DGAT1: variants seen among roughly 807,000 people sequenced by gnomAD.
The protein encoded by DGAT1 is ACAT related gene product 1.
In DGAT1, 60 loss-of-function variants were observed where a neutral mutation model predicts 72.6. The observed-to-expected ratio is 0.83, with a 90% CI of 0.67 to 1.02. The LOEUF is 1.02. DGAT1 is among the 50% of genes least tolerant of loss of function. The pLI is 0.00. For synonymous variants in DGAT1, 290 were observed against 267.5 expected (o/e 1.08, Z -0.82); for missense variants, 592 against 670.0 (o/e 0.88, Z 1.29).
intron 1 of DGAT1, among the ~76,000 whole-genome samples, chr8:144,321,639 AG>A (rs1817462479): frequency 6.6e-6 from 1 of 152,246 alleles, no homozygotes; most frequent in African/African-American, 2.4e-5. Flanking sequence ...CGAGCATGTC[AG>A]GGTCAGAAGC....
chr8:144,325,896 C>T (rs1314627786), intron 1 of DGAT1, among the ~76,000 whole-genome samples: 1 of 152,198 alleles, frequency 6.6e-6, no homozygotes. Flanking sequence ...TCAGAAGGGT[C>T]TGCAAGGACA....
intron 2 of DGAT1, among the ~76,000 whole-genome samples, chr8:144,320,042 G>T (rs533001057): frequency 6.6e-6 from 1 of 152,206 alleles, no homozygotes; most frequent in African/African-American, 2.4e-5. Flanking sequence ...CAGGCCTTCT[G>T]CATGGACACG....
In DGAT1 at chr8:144,324,621, C is replaced by G. The variant is rs914213219; in HGVS notation, c.200+1816G>C. Among the ~76,000 whole-genome samples, 26 of 152,124 alleles carry G rather than the reference C, an allele frequency of 1.7e-4. 1 individual carries two copies. The highest frequency in any genetic ancestry group is 6.0e-4 in the African/African-American group (25 of 41,490). Reference sequence around the variant, plus strand: ...CGGCAGGGACAGGGACTCACCAGGCCTCTCCCACGAGCTCTGCACCCATCC... The same window carrying G: ...CGGCAGGGACAGGGACTCACCAGGCGTCTCCCACGAGCTCTGCACCCATCC... On this transcript the variant is annotated intron_variant, in intron 1 of 16. Transcript: ENST00000528718.
In DGAT1 at chr8:144,314,785, G is replaced by T; in HGVS notation, c.*1769C>A. 3 of 454,060 alleles carry T rather than the reference G, an allele frequency of 6.6e-6. No homozygotes were observed. The highest frequency in any genetic ancestry group is 8.8e-6 in the Non-Finnish European group (3 of 339,240). The allele number at this position is 454,060 out of a possible 1,614,324, so 28.1% of individuals were successfully genotyped here. ...GTGGGTGGTGCTGCAATGAGGAGGG[G>T]CCCAGGGCACAGAAGGGCCGGGCTG... On this transcript the variant is annotated 3_prime_UTR_variant, in exon 17 of 17. Transcript: ENST00000528718.
At chr8:144,319,116 G>A (rs1817368467) in intron 2 of DGAT1, 48 bp from the exon 3 acceptor site, 4 of 1,548,054 alleles carry the variant, frequency 2.6e-6, no homozygotes, top group Non-Finnish European at 3.5e-6. Context: ...CCTGGCCACA[G>A]GGTACTCACC....
chr8:144,323,715 A>C (rs1358597165), intron 1 of DGAT1, among the ~76,000 whole-genome samples: 4 of 152,136 alleles, frequency 2.6e-5, no homozygotes, highest in Non-Finnish European at 5.9e-5. Flanking sequence ...AGCCAGCAGG[A>C]TCCTCTCAGT....
rs1554847793 is a variant in DGAT1, at chr8:144,319,010, C to T, written c.329+18G>A. ...GGCCATGGGTGGGGCAGGGGTGGGA[C>T]CTGGCAAAGGCACTCACTTGATGAG... On this transcript the variant is annotated intron_variant, in intron 3 of 16. Coordinates refer to ENST00000528718, the MANE Select transcript of DGAT1 (RefSeq NM_012079.6). The T allele has an allele frequency of 4.5e-6, 7 of 1,558,616 alleles. No homozygotes were observed. The highest frequency in any genetic ancestry group is 1.2e-5 in the South Asian group (1 of 84,606).
At chr8:144,319,343 C>T (rs1282273312) in intron 2 of DGAT1, among the ~76,000 whole-genome samples, 3 of 152,208 alleles carry the variant, frequency 2.0e-5, no homozygotes, top group Non-Finnish European at 1.5e-5. Flanking sequence ...CCAACCAACC[C>T]TGCCAGACGC....
rs1817103095 is a variant in DGAT1 at position 144,314,603 on chromosome 8, T to C, written c.*1951A>G. 3.8e-6 allele frequency: 2 copies of C among 524,016 alleles called. No individual in the cohort carries two copies. The highest frequency in any genetic ancestry group is 6.9e-6 in the Non-Finnish European group (2 of 290,528). The allele number at this position is 524,016 out of a possible 1,614,324, so 32.5% of individuals were successfully genotyped here. A position where few individuals can be genotyped will look rare whatever the true frequency, so the allele number is the denominator to read the frequency against. ...TGCAGGTTGTTCATAGTCAGAATTG[T>C]ATTTTGGATTTTTACACAACTGTCC... On this transcript the variant is annotated 3_prime_UTR_variant, in exon 17 of 17. Transcript: ENST00000528718.
In DGAT1 at chr8:144,315,556, A is replaced by C. The variant is rs1554846801; in HGVS notation, c.*998T>G. 1 of 985,466 alleles carries C rather than the reference A, an allele frequency of 1.0e-6. No homozygotes were observed. The highest frequency in any genetic ancestry group is 1.7e-5 in the African/African-American group (1 of 57,256). 61.0% of individuals were successfully genotyped at this position (985,466 alleles called of 1,614,324 possible). A position where few individuals can be genotyped will look rare whatever the true frequency, so the allele number is the denominator to read the frequency against. ...AGTCACCCCAGCAAGGTAAGGCAGCAGCAGGGCCCTGGGGTTACCCCTGAC... is the reference window on the plus strand; with the variant it reads ...AGTCACCCCAGCAAGGTAAGGCAGCCGCAGGGCCCTGGGGTTACCCCTGAC... On this transcript the variant is annotated 3_prime_UTR_variant, in exon 17 of 17. Transcript: ENST00000528718.
At position 144,326,702 on chromosome 8, in the gene DGAT1, C is replaced by T; in HGVS notation, c.-66G>A. ...CCGGGTTCGTAGCGCCCGAGGCGCGCGGCCCCACCTCCGGGCCCTAGACAA... is the reference window on the plus strand; with the variant it reads ...CCGGGTTCGTAGCGCCCGAGGCGCGTGGCCCCACCTCCGGGCCCTAGACAA... On this transcript the variant is annotated 5_prime_UTR_variant, in exon 1 of 17. Coordinates refer to ENST00000528718, the MANE Select transcript of DGAT1 (RefSeq NM_012079.6). 7 of 1,119,116 alleles carry T rather than the reference C, an allele frequency of 6.3e-6. No homozygotes were observed. Among genetic ancestry groups the T allele is most frequent in the Non-Finnish European group, 7.7e-6 (7 of 913,822 alleles). 69.3% of individuals were successfully genotyped at this position (1,119,116 alleles called of 1,614,324 possible). A position where few individuals can be genotyped will look rare whatever the true frequency, so the allele number is the denominator to read the frequency against.
chr8:144,321,520 C>T lies in DGAT1; in HGVS notation c.201-112G>A, dbSNP rs1019008159. 7.9e-5 allele frequency: 75 copies of T among 949,588 alleles called. No individual in the cohort carries two copies. The African/African-American group carries it at 1.0e-3, about 13-fold the overall frequency. 58.8% of individuals were successfully genotyped at this position (949,588 alleles called of 1,614,324 possible). A position where few individuals can be genotyped will look rare whatever the true frequency, so the allele number is the denominator to read the frequency against. On this transcript the variant is annotated intron_variant, in intron 1 of 16. Coordinates refer to ENST00000528718, the MANE Select transcript of DGAT1 (RefSeq NM_012079.6). ...CCTCGTCTGCCCTCAGGCCCCACTC[C>T]TTATTTACAACCAGGAGGAGAAGCC...
chr8:144,326,769 C>T lies in DGAT1; in HGVS notation c.-133G>A. 1.3e-6 allele frequency: 1 copy of T among 750,128 alleles called. No homozygotes were observed. 46.5% of individuals were successfully genotyped at this position (750,128 alleles called of 1,614,324 possible). ...CTGCCGGCCGCCGTAGCCCGGGTGACCGCCTCACCAGCGCGTTCAACCCGC... is the reference window on the plus strand; with the variant it reads ...CTGCCGGCCGCCGTAGCCCGGGTGATCGCCTCACCAGCGCGTTCAACCCGC... On this transcript the variant is annotated 5_prime_UTR_variant, in exon 1 of 17. Transcript: ENST00000528718.
chr8:144,322,403 C>T (rs1347233589), intron 1 of DGAT1, among the ~76,000 whole-genome samples: 2 of 152,234 alleles, frequency 1.3e-5, no homozygotes, highest in Non-Finnish European at 2.9e-5. Flanking sequence ...CCCTTTCCCT[C>T]CCGCACACGC....
chr8:144,317,829 G>A lies in DGAT1; in HGVS notation c.856-7C>T, dbSNP rs1554847411. 3.7e-6 allele frequency: 6 copies of A among 1,610,446 alleles called. No homozygotes were observed. In the East Asian group the frequency reaches 8.9e-5, roughly 24 times the overall value. ...GGAGCTGGGTGAAGAACAGCTGGGG[G>A]GGAAACAGAGAGCAGCCAGCTGAGG... On this transcript the variant is annotated splice_region_variant and splice_polypyrimidine_tract_variant and intron_variant, in intron 9 of 16. Coordinates refer to ENST00000528718, the MANE Select transcript of DGAT1 (RefSeq NM_012079.6).
chr8:144,326,848 T>C lies in DGAT1; in HGVS notation c.-212A>G. 3.9e-6 allele frequency: 1 copy of C among 256,338 alleles called. No homozygotes were observed. The highest frequency in any genetic ancestry group is 1.0e-4 in the East Asian group (1 of 9,564). The allele number at this position is 256,338 out of a possible 1,614,324, so 15.9% of individuals were successfully genotyped here. ...AACGGCTGCGTTGCTCCGGAGCCGC[T>C]AACTAATGGACGGCCGCCTCTCTCG... On this transcript the variant is annotated 5_prime_UTR_variant, in exon 1 of 17. Coordinates refer to ENST00000528718, the MANE Select transcript of DGAT1 (RefSeq NM_012079.6).
At chr8:144,320,176 G>C (rs1817407140) in intron 2 of DGAT1, among the ~76,000 whole-genome samples, 1 of 152,244 alleles carries the variant, frequency 6.6e-6, no homozygotes, top group East Asian at 1.9e-4. Flanking sequence ...CCCAGAGCGG[G>C]ATACATGCCT....
At position 144,317,415 on chromosome 8, in the gene DGAT1, A is replaced by G; in HGVS notation, c.1012T>C (p.Phe338Leu). ...VPNHLIWLIF[F>L]YWLFHSCLNA... ...AGGCAGGAGTGGAAGAGCCAGTAGA[A>G]GAAGATGAGCCAGATGAGGTGATTG... is the stretch of plus-strand genomic sequence containing the variant. The change falls in exon 13 of 17, where the codon TTC (phenylalanine) becomes CTC (leucine). Residue 338 changes from phenylalanine to leucine, a missense_variant. Coordinates refer to ENST00000528718, the MANE Select transcript of DGAT1 (RefSeq NM_012079.6). 1 of 1,613,886 alleles carries G rather than the reference A, an allele frequency of 6.2e-7. No individual in the cohort carries two copies. The highest frequency in any genetic ancestry group is 8.5e-7 in the Non-Finnish European group (1 of 1,179,992).
At chr8:144,324,936 C>T (rs1441779861) in intron 1 of DGAT1, among the ~76,000 whole-genome samples, 4 of 151,832 alleles carry the variant, frequency 2.6e-5, no homozygotes, top group Non-Finnish European at 4.4e-5. Context: ...GTGTGGTGGG[C>T]GCCTCTAATC....
Sources: gnomAD v4.1 joint callset for allele counts (sites outside exome capture counted in the v4.1 genomes callset) on GRCh38, gnomAD v4.1.1 for gene constraint, MANE v1.5 for transcripts, NCBI Gene and HGNC (gene_info 2026-07-23, HGNC 2026-07-21) for gene names.